The following KCNQ1OT1 variants were observed in gnomAD, a reference collection of about 807,000 sequenced individuals.
The protein encoded by KCNQ1OT1 is KCNQ1 opposite strand/antisense transcript 1, also known as KCNQ1 antisense RNA 2 (non-protein coding).
At chr11:2,689,419 G>A (rs1850552056) in exon 1 of KCNQ1OT1, 7 of 398,694 alleles carry the variant, frequency 1.8e-5, no homozygotes, top group Admixed American at 4.4e-5. Flanking sequence ...GGGGAGCATA[G>A]GGGAGGAGGA....
At chr11:2,640,701 C>T in exon 1 of KCNQ1OT1, 1 of 398,262 alleles carries the variant, frequency 2.5e-6, no homozygotes, top group Non-Finnish European at 4.4e-6. Flanking sequence ...CATTTCAAGT[C>T]CTCTTTTTTA....
exon 1 of KCNQ1OT1, chr11:2,614,107 C>T: frequency 2.5e-6 from 1 of 398,510 alleles, no homozygotes; most frequent in South Asian, 1.3e-4. Flanking sequence ...CAGCTATGCT[C>T]ACCATTCTTT....
At chr11:2,660,797 A>G in exon 1 of KCNQ1OT1, 1 of 398,648 alleles carries the variant, frequency 2.5e-6, no homozygotes, top group Non-Finnish European at 4.4e-6. Flanking sequence ...AAAGCAATCT[A>G]GCAACATTTA....
chr11:2,620,209 ATAT>A lies in KCNQ1OT1; in HGVS notation n.79783_79785del. On this transcript the variant is annotated non_coding_transcript_exon_variant, in exon 1 of 1. Transcript: ENST00000597346. This position sits in a 1 kb window ranked among gnomAD's most constrained non-coding sequence, Gnocchi z 4.5. ...CGTAAGTTCATTCATGTATATATAT[ATAT>A]TTTTTTTTTTTATTTTTTTTTTAGA... 1.3e-5 allele frequency: 4 copies of A among 301,958 alleles called. No homozygotes were observed. The highest frequency in any genetic ancestry group is 1.1e-5 in the Non-Finnish European group (2 of 176,932). 18.7% of individuals were successfully genotyped at this position (301,958 alleles called of 1,614,324 possible).
At position 2,642,190 on chromosome 11, in the gene KCNQ1OT1, T is replaced by A. The variant is rs1849590930; in HGVS notation, n.57805A>T. 1 of 398,356 alleles carries A rather than the reference T, an allele frequency of 2.5e-6. No homozygotes were observed. The highest frequency in any genetic ancestry group is 2.1e-5 in the African/African-American group (1 of 48,640). 24.7% of individuals were successfully genotyped at this position (398,356 alleles called of 1,614,324 possible). On this transcript the variant is annotated non_coding_transcript_exon_variant, in exon 1 of 1. Coordinates refer to ENST00000597346, the Ensembl canonical transcript of KCNQ1OT1. The surrounding 1 kb of genome is among the most constrained non-coding windows in gnomAD (Gnocchi z 4.3). ...GTATTTTGAGAGAGACTGCATTGAA[T>A]CTGTAGATTGCTTTGGGTAGTATGG...
Position 2,677,782 on chromosome 11 carries a change from C to G in KCNQ1OT1, n.22213G>C. ...ACTTTAAGAGATCCTCCCTTTCCCC[C>G]CATTTCCAGCAGGATTAAAATGTTC... is the stretch of plus-strand genomic sequence containing the variant. On this transcript the variant is annotated non_coding_transcript_exon_variant, in exon 1 of 1. Transcript: ENST00000597346. This position sits in a 1 kb window ranked among gnomAD's most constrained non-coding sequence, Gnocchi z 4.5. The G allele has an allele frequency of 2.5e-6, 1 of 398,536 alleles. No individual in the cohort carries two copies. Among genetic ancestry groups the G allele is most frequent in the South Asian group, 1.3e-4 (1 of 7,856 alleles). 24.7% of individuals were successfully genotyped at this position (398,536 alleles called of 1,614,324 possible).
chr11:2,688,138 A>G, exon 1 of KCNQ1OT1: 1 of 398,790 alleles, frequency 2.5e-6, no homozygotes, highest in East Asian at 3.6e-5. Context: ...GCTGAGGTGG[A>G]GAGACCCCAC....
rs1482076407 is a variant in KCNQ1OT1, at chr11:2,679,293, G to A, written n.20702C>T. 4 of 398,478 alleles carry A rather than the reference G, an allele frequency of 1.0e-5. No individual in the cohort carries two copies. 24.7% of individuals were successfully genotyped at this position (398,478 alleles called of 1,614,324 possible). On this transcript the variant is annotated non_coding_transcript_exon_variant, in exon 1 of 1. Coordinates refer to ENST00000597346, the Ensembl canonical transcript of KCNQ1OT1. The surrounding 1 kb of genome is among the most constrained non-coding windows in gnomAD (Gnocchi z 4.8). ...TTTACTAATCCATAGCCAAAGACAG[G>A]GGCTAATAACAGGGTCTGGAGTCTG...
rs530820089 is a variant in KCNQ1OT1 at position 2,668,212 on chromosome 11, C to T, written n.31783G>A. 5.0e-6 allele frequency: 2 copies of T among 398,640 alleles called. No homozygotes were observed. The highest frequency in any genetic ancestry group is 3.6e-5 in the East Asian group (1 of 28,080). 24.7% of individuals were successfully genotyped at this position (398,640 alleles called of 1,614,324 possible). A position where few individuals can be genotyped will look rare whatever the true frequency, so the allele number is the denominator to read the frequency against. On this transcript the variant is annotated non_coding_transcript_exon_variant, in exon 1 of 1. Transcript: ENST00000597346. This position sits in a 1 kb window ranked among gnomAD's most constrained non-coding sequence, Gnocchi z 4.3. ...GTGTGCATGGCCTACATCATTCATC[C>T]ATTCTACCACCTGTGGCCAGCAGGC...
At chr11:2,616,631 GTCT>G in exon 1 of KCNQ1OT1, 1 of 398,002 alleles carries the variant, frequency 2.5e-6, no homozygotes, top group Non-Finnish European at 4.4e-6. Context: ...CCCTTCTGAT[GTCT>G]TCTTTGACAC....
rs1589988099 is a variant in KCNQ1OT1 at position 2,624,013 on chromosome 11, T to C, written n.75982A>G. The C allele has an allele frequency of 1.3e-5, 5 of 399,094 alleles. No individual in the cohort carries two copies. The South Asian group carries it at 6.3e-4, about 51-fold the overall frequency. The allele number at this position is 399,094 out of a possible 1,614,324, so 24.7% of individuals were successfully genotyped here. A position where few individuals can be genotyped will look rare whatever the true frequency, so the allele number is the denominator to read the frequency against. ...TTAATGGTATATGTCAAAGTGGCTGTACCATTTTGCATTCCCACCAGCAAT... is the reference window on the plus strand; with the variant it reads ...TTAATGGTATATGTCAAAGTGGCTGCACCATTTTGCATTCCCACCAGCAAT... On this transcript the variant is annotated non_coding_transcript_exon_variant, in exon 1 of 1. Transcript: ENST00000597346. This position sits in a 1 kb window ranked among gnomAD's most constrained non-coding sequence, Gnocchi z 4.9.
At chr11:2,644,024 A>G in exon 1 of KCNQ1OT1, 1 of 398,444 alleles carries the variant, frequency 2.5e-6, no homozygotes, top group Non-Finnish European at 4.4e-6. Flanking sequence ...CGCTGGTTTT[A>G]TGATTCTCTC....
At position 2,623,821 on chromosome 11, in the gene KCNQ1OT1, G is replaced by T; in HGVS notation, n.76174C>A. On this transcript the variant is annotated non_coding_transcript_exon_variant, in exon 1 of 1. Coordinates refer to ENST00000597346, the Ensembl canonical transcript of KCNQ1OT1. This position sits in a 1 kb window ranked among gnomAD's most constrained non-coding sequence, Gnocchi z 5.2. ...TTGCTGAACTGCATGGTAAGAATAT[G>T]TTTAATTTTATAAGAAACCACTGAT... is the stretch of plus-strand genomic sequence containing the variant. 1 of 398,498 alleles carries T rather than the reference G, an allele frequency of 2.5e-6. No individual in the cohort carries two copies. Among genetic ancestry groups the T allele is most frequent in the African/African-American group, 2.1e-5 (1 of 48,696 alleles). The allele number at this position is 398,498 out of a possible 1,614,324, so 24.7% of individuals were successfully genotyped here.
chr11:2,686,752 A>G (rs1850496438), exon 1 of KCNQ1OT1: 3 of 398,536 alleles, frequency 7.5e-6, no homozygotes, highest in Non-Finnish European at 8.8e-6. Flanking sequence ...GTAGCTTTCA[A>G]TTGTAAATGT....
chr11:2,611,184 GGTTT>G lies in KCNQ1OT1; in HGVS notation n.88807_88810del, dbSNP rs1244783517. On this transcript the variant is annotated non_coding_transcript_exon_variant, in exon 1 of 1. Transcript: ENST00000597346. The surrounding 1 kb of genome is among the most constrained non-coding windows in gnomAD (Gnocchi z 5.3). The stretch of plus-strand genomic sequence containing the variant: ...TGCTTCTCAGTATCTCTAATAACAT[GGTTT>G]GTTTTTAAAGTCTATTTTGTCTGAT... The G allele has an allele frequency of 2.0e-5, 8 of 398,008 alleles. No individual in the cohort carries two copies. Among genetic ancestry groups the G allele is most frequent in the Non-Finnish European group, 3.5e-5 (8 of 225,948 alleles). The allele number at this position is 398,008 out of a possible 1,614,324, so 24.7% of individuals were successfully genotyped here. A position where few individuals can be genotyped will look rare whatever the true frequency, so the allele number is the denominator to read the frequency against.
Position 2,620,957 on chromosome 11 carries a change from T to TTG in KCNQ1OT1, n.79037_79038insCA, listed in dbSNP as rs397956034. ...GTTGTTGTTTTGTTTTGTTTTTTTT[T>TTG]GTCTGTTTTTTGCTTTTTTGTTTGT... On this transcript the variant is annotated non_coding_transcript_exon_variant, in exon 1 of 1. Coordinates refer to ENST00000597346, the Ensembl canonical transcript of KCNQ1OT1. This position sits in a 1 kb window ranked among gnomAD's most constrained non-coding sequence, Gnocchi z 4.5. The TTG allele has an allele frequency of 1.0e-5, 4 of 396,962 alleles. No individual in the cohort carries two copies. Among genetic ancestry groups the TTG allele is most frequent in the Middle Eastern group, 6.3e-4 (1 of 1,588 alleles). 24.6% of individuals were successfully genotyped at this position (396,962 alleles called of 1,614,324 possible).
rs1230876453 is a variant in KCNQ1OT1, at chr11:2,691,059, A to G, written n.8936T>C. ...TCAGGATATGCTGGGTGAGGGAAATAATGGAGGCACCTTTGTTCTAGATGC... is the reference window on the plus strand; with the variant it reads ...TCAGGATATGCTGGGTGAGGGAAATGATGGAGGCACCTTTGTTCTAGATGC... On this transcript the variant is annotated non_coding_transcript_exon_variant, in exon 1 of 1. Coordinates refer to ENST00000597346, the Ensembl canonical transcript of KCNQ1OT1. The surrounding 1 kb of genome is among the most constrained non-coding windows in gnomAD (Gnocchi z 6.4). The G allele has an allele frequency of 2.5e-6, 1 of 398,502 alleles. No homozygotes were observed. Among genetic ancestry groups the G allele is most frequent in the African/African-American group, 2.1e-5 (1 of 48,622 alleles). 24.7% of individuals were successfully genotyped at this position (398,502 alleles called of 1,614,324 possible).
At position 2,679,728 on chromosome 11, in the gene KCNQ1OT1, T is replaced by A. The variant is rs1056309378; in HGVS notation, n.20267A>T. ...GCCGTTCTCTGTATTCTTGTCCAGA[T>A]GCTGTGGACAGTGATGATGGGAAAA... On this transcript the variant is annotated non_coding_transcript_exon_variant, in exon 1 of 1. Coordinates refer to ENST00000597346, the Ensembl canonical transcript of KCNQ1OT1. The surrounding 1 kb of genome is among the most constrained non-coding windows in gnomAD (Gnocchi z 4.8). The A allele has an allele frequency of 5.0e-6, 2 of 398,586 alleles. No homozygotes were observed. The highest frequency in any genetic ancestry group is 4.4e-5 in the Admixed American group (1 of 22,730). 24.7% of individuals were successfully genotyped at this position (398,586 alleles called of 1,614,324 possible).
Position 2,662,016 on chromosome 11 carries a change from C to A in KCNQ1OT1, n.37979G>T, listed in dbSNP as rs1849966701. On this transcript the variant is annotated non_coding_transcript_exon_variant, in exon 1 of 1. Transcript: ENST00000597346. ...GCATGCCCCATTTCATGAGAACCAACAGCTTCGCCGAGGACCTGGACCTGG... is the reference window on the plus strand; with the variant it reads ...GCATGCCCCATTTCATGAGAACCAAAAGCTTCGCCGAGGACCTGGACCTGG... The A allele has an allele frequency of 1.9e-6, 3 of 1,614,104 alleles. No homozygotes were observed. Among genetic ancestry groups the A allele is most frequent in the Non-Finnish European group, 2.5e-6 (3 of 1,180,048 alleles).
Sources: allele counts gnomAD v4.1 joint callset, GRCh38; gene constraint gnomAD v4.1.1; non-coding constraint Gnocchi (gnomAD v3.1); transcripts MANE v1.5; gene names NCBI Gene and HGNC (gene_info 2026-07-23, HGNC 2026-07-21).